Variants in RAPH1 observed in about 807,000 individuals in gnomAD.
RAPH1 encodes Ras association (RalGDS/AF-6) and pleckstrin homology domains 1.
Under a neutral mutation model 88.1 loss-of-function variants are expected in RAPH1, and 18 were observed. The ratio of observed to expected loss-of-function variants is 0.20; its 90% CI spans 0.14 to 0.30. The LOEUF (loss-of-function observed/expected upper bound fraction) is 0.30. RAPH1 is among the 10% of genes least tolerant of loss of function. The pLI is 1.00. For missense variants in RAPH1, 1,448 were observed against 1,543.2 expected (o/e 0.94, Z 1.03); for synonymous variants, 587 against 559.0 (o/e 1.05, Z -0.71).
At chr2:203,470,613 T>TA (rs1300023171) in intron 4 of RAPH1, among the ~76,000 whole-genome samples, 1 of 152,246 alleles carries the variant, frequency 6.6e-6, no homozygotes, top group African/African-American at 2.4e-5. Flanking sequence ...GTCTGCCTTC[T>TA]AGGCCAATGC....
chr2:203,478,422 T>A (rs1179585708), intron 4 of RAPH1, among the ~76,000 whole-genome samples: 1 of 152,138 alleles, frequency 6.6e-6, no homozygotes, highest in Non-Finnish European at 1.5e-5. Flanking sequence ...TGTTTGGTTG[T>A]CTATATCCTC....
At chr2:203,471,924 G>A (rs1350860189) in intron 4 of RAPH1, among the ~76,000 whole-genome samples, 5 of 151,894 alleles carry the variant, frequency 3.3e-5, no homozygotes, top group African/African-American at 9.7e-5. Context: ...ACTATCCCTA[G>A]GTCCTCATTT....
In RAPH1 at chr2:203,448,239, A is replaced by G. The variant is rs780769159; in HGVS notation, c.1513-160T>C. On this transcript the variant is annotated intron_variant, in intron 11 of 13. Transcript: ENST00000319170. This position sits in a 1 kb window ranked among gnomAD's most constrained non-coding sequence, Gnocchi z 4.1. ...AATTCCTCTAATACCATAAATTATAATCTATTCTTATTTCTCCTCATTTTT... is the reference window on the plus strand; with the variant it reads ...AATTCCTCTAATACCATAAATTATAGTCTATTCTTATTTCTCCTCATTTTT... Among the ~76,000 whole-genome samples the G allele has an allele frequency of 5.3e-5, 8 of 152,152 alleles. No homozygotes were observed. The highest frequency in any genetic ancestry group is 1.0e-4 in the Non-Finnish European group (7 of 68,036).
intron 4 of RAPH1, among the ~76,000 whole-genome samples, chr2:203,473,360 A>G (rs1002871597): frequency 6.6e-6 from 1 of 152,140 alleles, no homozygotes; most frequent in African/African-American, 2.4e-5. Context: ...TTCAGAAAAA[A>G]GGGGCAGGGG....
intron 1 of RAPH1, among the ~76,000 whole-genome samples, chr2:203,498,767 A>G (rs1010134191): frequency 3.3e-5 from 5 of 152,230 alleles, no homozygotes; most frequent in Non-Finnish European, 7.3e-5. Context: ...ACATTGTAAG[A>G]TAAATATAAA....
At chr2:203,454,266 T>C (rs2098517296) in intron 10 of RAPH1, among the ~76,000 whole-genome samples, 164 bp downstream of exon 10, 1 of 152,248 alleles carries the variant, frequency 6.6e-6, no homozygotes, top group Admixed American at 6.5e-5. Context: ...TGCTATGATA[T>C]AGCACATGCT....
At chr2:203,480,455 C>T (rs931929217) in intron 4 of RAPH1, among the ~76,000 whole-genome samples, 2 of 151,974 alleles carry the variant, frequency 1.3e-5, no homozygotes, top group African/African-American at 2.4e-5. Context: ...GGCTGAGACA[C>T]GAGAATTGCG....
intron 4 of RAPH1, among the ~76,000 whole-genome samples, chr2:203,465,157 T>A (rs557050857): frequency 6.6e-6 from 1 of 152,350 alleles, no homozygotes; most frequent in African/African-American, 2.4e-5. Context: ...TTTACCCAAA[T>A]GAGTTGAAAA....
rs554123014 is a variant in RAPH1, at chr2:203,513,476, T to A, written c.1-18123A>T. ...TTCATGCCATTCTCCTGCCTCAGCCTCCCAGGTAGCTGGGACTACAATCCA... is the reference window on the plus strand; with the variant it reads ...TTCATGCCATTCTCCTGCCTCAGCCACCCAGGTAGCTGGGACTACAATCCA... On this transcript the variant is annotated intron_variant, in intron 1 of 13. Transcript: ENST00000319170. Among the ~76,000 whole-genome samples the A allele has an allele frequency of 2.1e-4, 23 of 111,232 alleles. 1 individual carries two copies. In the South Asian group the frequency reaches 6.2e-3, roughly 30 times the overall value. 73.0% of individuals were successfully genotyped at this position (111,232 alleles called of 152,430 possible).
At chr2:203,528,027 G>A (rs1411854393) in intron 1 of RAPH1, among the ~76,000 whole-genome samples, 1 of 152,076 alleles carries the variant, frequency 6.6e-6, no homozygotes. Context: ...AAACAGGTTT[G>A]TCTCATGGCA....
intron 2 of RAPH1, among the ~76,000 whole-genome samples, 197 bp from the exon 3 acceptor site, chr2:203,491,516 AT>A (rs1475090378): frequency 6.6e-6 from 1 of 152,090 alleles, no homozygotes; most frequent in African/African-American, 2.4e-5. Context: ...CAATCTTTAG[AT>A]ATATGCTTAC....
intron 1 of RAPH1, among the ~76,000 whole-genome samples, chr2:203,501,359 A>T (rs1187166078): frequency 2.0e-5 from 3 of 152,238 alleles, no homozygotes; most frequent in African/African-American, 7.2e-5. Context: ...CATTACCTAC[A>T]ACTACACTAT....
rs1339996777 is a variant in RAPH1 at position 203,448,063 on chromosome 2, T to C, written c.1529A>G (p.Tyr510Cys). 33 of 1,613,686 alleles carry C rather than the reference T, an allele frequency of 2.0e-5. No individual in the cohort carries two copies. The highest frequency in any genetic ancestry group is 2.2e-5 in the South Asian group (2 of 91,060). ...IRIAKYGKQL[Y>C]MNYQEALKRT... Reference sequence around the variant, plus strand: ...CTTCAAGGCTTCTTGGTAGTTCATATAGAGCTGCTTCCCATACTAAAGAGA... The same window carrying C: ...CTTCAAGGCTTCTTGGTAGTTCATACAGAGCTGCTTCCCATACTAAAGAGA... Residue 510 changes from tyrosine to cysteine, a missense_variant, in exon 12 of 14, where the codon TAT becomes TGT. Tyr to Cys is a radical substitution (Grantham distance 194). Transcript: ENST00000319170. The surrounding 1 kb of genome is among the most constrained non-coding windows in gnomAD (Gnocchi z 4.1).
chr2:203,507,772 G>A (rs1026610672), intron 1 of RAPH1, among the ~76,000 whole-genome samples: 1 of 152,124 alleles, frequency 6.6e-6, no homozygotes, highest in African/African-American at 2.4e-5. Context: ...TAGACCCAGG[G>A]AAAATATCTA....
Position 203,460,032 on chromosome 2 carries a change from T to A in RAPH1, c.971-4A>T. On this transcript the variant is annotated splice_polypyrimidine_tract_variant and splice_region_variant and intron_variant, in intron 6 of 13. Transcript: ENST00000319170. ...TCATGGTCTTCAAAGATTCTCTCTG[T>A]CCCAAAATAAAATATCCGTATTTTG... The A allele has an allele frequency of 6.3e-7, 1 of 1,597,230 alleles. No homozygotes were observed. Among genetic ancestry groups the A allele is most frequent in the South Asian group, 1.1e-5 (1 of 87,772 alleles).
intron 10 of RAPH1, among the ~76,000 whole-genome samples, chr2:203,449,048 T>A (rs2153636854): frequency 6.6e-6 from 1 of 152,330 alleles, no homozygotes; most frequent in African/African-American, 2.4e-5. Flanking sequence ...AAATTTTAGA[T>A]CAAGATATCC....
At chr2:203,458,294 G>A (rs573525682) in intron 7 of RAPH1, among the ~76,000 whole-genome samples, 3 of 152,256 alleles carry the variant, frequency 2.0e-5, no homozygotes, top group Non-Finnish European at 2.9e-5. Flanking sequence ...GCTTGGAGGC[G>A]GAGGTTGCAG....
At chr2:203,477,279 T>C in intron 4 of RAPH1, 1 of 717,124 alleles carries the variant, frequency 1.4e-6, no homozygotes. Context: ...AACAAAATAG[T>C]AATGAAAAGT....
At chr2:203,520,365 T>C (rs1042575037) in intron 1 of RAPH1, among the ~76,000 whole-genome samples, 4 of 150,968 alleles carry the variant, frequency 2.6e-5, no homozygotes, top group African/African-American at 9.8e-5. Context: ...TGGTGGCTCA[T>C]GTCTGTAATC....
Sources: allele counts gnomAD v4.1 joint callset (sites outside exome capture counted in the v4.1 genomes callset), GRCh38; gene constraint gnomAD v4.1.1; non-coding constraint Gnocchi (gnomAD v3.1); transcripts MANE v1.5; gene names NCBI Gene and HGNC (gene_info 2026-07-23, HGNC 2026-07-21).